The following XRCC5 variants were observed in gnomAD, a reference collection of about 807,000 sequenced individuals.
XRCC5 encodes DNA repair protein Ku80.
In XRCC5, 12 loss-of-function variants were observed where a neutral mutation model predicts 95.7. That is an observed-to-expected ratio of 0.13 (90% confidence interval 0.08 to 0.20). The LOEUF is 0.20. Ranked by LOEUF, XRCC5 falls within the 10% of genes least tolerant of loss-of-function variation. The pLI, the probability that XRCC5 is intolerant of heterozygous loss-of-function variation, is 1.00. For missense variants in XRCC5, 595 were observed against 873.9 expected, an observed-to-expected ratio of 0.68 and a Z score of 4.02; for synonymous variants, 281 against 290.3, an observed-to-expected ratio of 0.97 and a Z score of 0.33.
chr2:216,109,499 G>A (rs1274088369), intron 1 of XRCC5, 42 bp downstream of exon 1: 1 of 1,612,336 alleles, frequency 6.2e-7, no homozygotes, highest in East Asian at 2.2e-5. Flanking sequence ...CCGGACTGGG[G>A]ATCCGGAGAG....
chr2:216,132,386 A>G lies in XRCC5; in HGVS notation c.1112A>G (p.Glu371Gly), dbSNP rs1235354373. Residue 371 changes from glutamate (E) to glycine (G), a missense_variant and splice_region_variant, in exon 10 of 21, where the codon GAG becomes GGG. Coordinates refer to ENST00000392132, the MANE Select transcript of XRCC5 (RefSeq NM_021141.4). ...VLKVFAARDD[E>G]AAAVALSSLI... ...AAGGTCTTTGCAGCAAGAGATGATG[A>G]GGTGAGTTGGCAGCAGGTCTTTGAG... 1.9e-6 allele frequency: 3 copies of G among 1,613,908 alleles called. No individual in the cohort carries two copies. The highest frequency in any genetic ancestry group is 3.3e-4 in the Middle Eastern group (2 of 6,062).
chr2:216,126,521 A>G (rs1032224222), intron 7 of XRCC5, among the ~76,000 whole-genome samples: 1 of 152,212 alleles, frequency 6.6e-6, no homozygotes, highest in Non-Finnish European at 1.5e-5. Context: ...ACATTTATAT[A>G]CAATAGCACA....
intron 15 of XRCC5, 29 bp from the exon 16 acceptor site, chr2:216,161,950 T>C: frequency 6.2e-7 from 1 of 1,600,452 alleles, no homozygotes; most frequent in Non-Finnish European, 8.6e-7. Flanking sequence ...AAATAACCTG[T>C]AGGTTTATCA....
intron 6 of XRCC5, among the ~76,000 whole-genome samples, chr2:216,122,906 G>GC (rs1160666469): frequency 1.3e-5 from 2 of 152,284 alleles, no homozygotes; most frequent in Admixed American, 6.5e-5. Flanking sequence ...TAGAGACTAT[G>GC]GAAGAGACCA....
At chr2:216,173,731 A>G (rs1394353233) in intron 16 of XRCC5, among the ~76,000 whole-genome samples, 1 of 152,214 alleles carries the variant, frequency 6.6e-6, no homozygotes, top group East Asian at 1.9e-4. Flanking sequence ...GAAAGGATTC[A>G]GGCCATTATC....
At position 216,146,575 on chromosome 2, in the gene XRCC5, G is replaced by T. The variant is rs74501037; in HGVS notation, c.1477-1508G>T. 2.0e-5 allele frequency among the ~76,000 whole-genome samples: 3 copies of T among 152,138 alleles called. No individual in the cohort carries two copies. The South Asian group carries it at 6.2e-4, about 32-fold the overall frequency. ...CTTAATTTTGGAATTAATCTTCATC[G>T]AAGGAAGGAAAACATCAATAAACTG... On this transcript the variant is annotated intron_variant, in intron 13 of 20. Coordinates refer to ENST00000392132, the MANE Select transcript of XRCC5 (RefSeq NM_021141.4).
intron 17 of XRCC5, among the ~76,000 whole-genome samples, chr2:216,190,917 A>G (rs963693998): frequency 2.0e-5 from 3 of 152,244 alleles, no homozygotes; most frequent in Admixed American, 1.3e-4. Context: ...GCAAGTTTAA[A>G]TTAGAAAGCA....
At chr2:216,148,766 G>C (rs1055659049) in intron 14 of XRCC5, among the ~76,000 whole-genome samples, 2 of 152,104 alleles carry the variant, frequency 1.3e-5, no homozygotes, top group Non-Finnish European at 2.9e-5. Flanking sequence ...GATGTATTTG[G>C]TTGTGCTATT....
Position 216,192,751 on chromosome 2 carries a change from C to T in XRCC5, c.2041+16C>T, listed in dbSNP as rs768595102. The T allele has an allele frequency of 2.0e-6, 3 of 1,518,530 alleles. No homozygotes were observed. The highest frequency in any genetic ancestry group is 2.2e-5 in the Admixed American group (1 of 46,380). The allele number at this position is 1,518,530 out of a possible 1,614,324, so 94.1% of individuals were successfully genotyped here. A position where few individuals can be genotyped will look rare whatever the true frequency, so the allele number is the denominator to read the frequency against. ...GTTGTCCAGGGTAAGTTGTCATTTGCCTTTTTTTTTAAAAAGTATTTTTAA... is the reference window on the plus strand; with the variant it reads ...GTTGTCCAGGGTAAGTTGTCATTTGTCTTTTTTTTTAAAAAGTATTTTTAA... On this transcript the variant is annotated intron_variant, in intron 18 of 20. Transcript: ENST00000392132.
At chr2:216,121,934 G>C in intron 5 of XRCC5, 128 bp from the exon 6 acceptor site, 1 of 824,354 alleles carries the variant, frequency 1.2e-6, no homozygotes, top group South Asian at 2.3e-5. Flanking sequence ...GGCTAAGGTA[G>C]GTAAGAGTCG....
At chr2:216,193,805 T>C (rs1212238585) in intron 18 of XRCC5, among the ~76,000 whole-genome samples, 3 of 152,230 alleles carry the variant, frequency 2.0e-5, no homozygotes, top group South Asian at 4.1e-4. Context: ...AGGCCATTCA[T>C]AGGTACACAT....
At chr2:216,179,657 G>T (rs1427695082) in intron 16 of XRCC5, among the ~76,000 whole-genome samples, 2 of 152,186 alleles carry the variant, frequency 1.3e-5, no homozygotes. Flanking sequence ...AGAAGCTCAA[G>T]ATGACTATGC....
At chr2:216,116,968 G>T in intron 3 of XRCC5, 126 bp downstream of exon 3, 1 of 1,033,312 alleles carries the variant, frequency 9.7e-7, no homozygotes, top group Non-Finnish European at 1.4e-6. Context: ...TCTGAGGAGG[G>T]GGAGGTAATG....
intron 14 of XRCC5, among the ~76,000 whole-genome samples, chr2:216,150,801 A>G (rs529167067): frequency 6.6e-6 from 1 of 152,200 alleles, no homozygotes; most frequent in South Asian, 2.1e-4. Context: ...AGACAGGAGA[A>G]TCTCTTGAAC....
chr2:216,113,164 T>C (rs958827020), intron 2 of XRCC5, 35 bp downstream of exon 2: 6 of 1,559,704 alleles, frequency 3.8e-6, no homozygotes, highest in East Asian at 2.2e-5. Context: ...TTGTAACCCA[T>C]GTTTGAACTG....
At chr2:216,161,105 G>A (rs567614846) in intron 15 of XRCC5, among the ~76,000 whole-genome samples, 1 of 152,254 alleles carries the variant, frequency 6.6e-6, no homozygotes, top group African/African-American at 2.4e-5. Context: ...TAAAGGGCAT[G>A]CCTTTATTCT....
intron 14 of XRCC5, among the ~76,000 whole-genome samples, chr2:216,150,472 T>C (rs915757840): frequency 9.9e-5 from 15 of 152,136 alleles, no homozygotes; most frequent in African/African-American, 3.1e-4. Flanking sequence ...TGTCACAGAG[T>C]GTACTTACAC....
chr2:216,182,676 T>C (rs1689412034), intron 16 of XRCC5, among the ~76,000 whole-genome samples: 1 of 152,212 alleles, frequency 6.6e-6, no homozygotes, highest in Admixed American at 6.5e-5. Flanking sequence ...TTAGAAAGTC[T>C]TCCTTTAGTT....
intron 2 of XRCC5, among the ~76,000 whole-genome samples, chr2:216,116,316 A>C (rs1416759685): frequency 6.6e-6 from 1 of 152,126 alleles, no homozygotes; most frequent in African/African-American, 2.4e-5. Flanking sequence ...GACATTCCAT[A>C]AAGACATACT....
Sources: allele counts gnomAD v4.1 joint callset (sites outside exome capture counted in the v4.1 genomes callset), GRCh38; gene constraint gnomAD v4.1.1; transcripts MANE v1.5; gene names NCBI Gene and HGNC (gene_info 2026-07-23, HGNC 2026-07-21).